The following SAMMSON variants were observed in gnomAD, a reference collection of about 807,000 sequenced individuals.
SAMMSON encodes the protein survival associated mitochondrial melanoma specific oncogenic non-coding RNA.
At chr3:70,338,495 A>G (rs1292232673) in intron 7 of SAMMSON, among the ~76,000 whole-genome samples, 1 of 152,146 alleles carries the variant, frequency 6.6e-6, no homozygotes. Context: ...TTGTATATAT[A>G]GAAAACCCCA....
chr3:70,339,629 T>C (rs554587609), intron 7 of SAMMSON, among the ~76,000 whole-genome samples: 3 of 152,312 alleles, frequency 2.0e-5, no homozygotes, highest in Non-Finnish European at 4.4e-5. Context: ...AAGACATTTA[T>C]GCAGCCAACA....
intron 8 of SAMMSON, among the ~76,000 whole-genome samples, chr3:70,357,933 G>A (rs1575632924): frequency 2.0e-5 from 3 of 151,960 alleles, no homozygotes. Context: ...TAAACAAAAT[G>A]GACAACTTCT....
intron 4 of SAMMSON, among the ~76,000 whole-genome samples, chr3:70,106,782 G>C (rs975018476): frequency 1.3e-5 from 2 of 152,148 alleles, no homozygotes; most frequent in African/African-American, 4.8e-5. Flanking sequence ...TCATCAACAG[G>C]TACACTTGTC....
chr3:70,090,779 TA>T (rs78510916), intron 4 of SAMMSON, among the ~76,000 whole-genome samples: 18,942 of 141,770 alleles, frequency 0.13, 1,498 homozygotes, highest in South Asian at 0.33. Context: ...AAATTAAACT[TA>T]AAAAAAAAAA....
At chr3:70,263,659 C>T (rs899164979) in intron 6 of SAMMSON, among the ~76,000 whole-genome samples, 1 of 152,178 alleles carries the variant, frequency 6.6e-6, no homozygotes, top group Non-Finnish European at 1.5e-5. Flanking sequence ...GGGAGCCCTA[C>T]GCAAATTTAT....
At chr3:70,168,148 T>C (rs1460656933) in intron 4 of SAMMSON, among the ~76,000 whole-genome samples, 1 of 151,990 alleles carries the variant, frequency 6.6e-6, no homozygotes, top group Non-Finnish European at 1.5e-5. Flanking sequence ...GAGTATCTTG[T>C]TTGGAGCATT....
chr3:70,267,161 G>C lies in SAMMSON; in HGVS notation n.674+17491G>C, dbSNP rs997937014. 3.9e-5 allele frequency among the ~76,000 whole-genome samples: 6 copies of C among 152,064 alleles called. No homozygotes were observed. In the East Asian group the frequency reaches 1.2e-3, roughly 29 times the overall value. On this transcript the variant is annotated intron_variant and non_coding_transcript_variant, in intron 6 of 9. Transcript: ENST00000642114. ...GCTTCTATTTTTATAAATTTTCTCTGATTGATTATGTAGGGATTTTATACT... is the reference window on the plus strand; with the variant it reads ...GCTTCTATTTTTATAAATTTTCTCTCATTGATTATGTAGGGATTTTATACT...
chr3:70,199,533 A>C (rs932406887), intron 4 of SAMMSON, among the ~76,000 whole-genome samples: 2 of 152,158 alleles, frequency 1.3e-5, no homozygotes, highest in African/African-American at 4.8e-5. Flanking sequence ...TTGCCCAAAA[A>C]CAACATGGTA....
chr3:70,164,122 T>C (rs1417361049), intron 4 of SAMMSON, among the ~76,000 whole-genome samples: 1 of 152,082 alleles, frequency 6.6e-6, no homozygotes, highest in Non-Finnish European at 1.5e-5. Context: ...TAGTTTTTAT[T>C]ATTACCAATT....
intron 2 of SAMMSON, among the ~76,000 whole-genome samples, chr3:70,403,492 A>G (rs1263735950): frequency 6.6e-6 from 1 of 152,240 alleles, no homozygotes; most frequent in African/African-American, 2.4e-5. Context: ...GGGTTATCTT[A>G]TACTGTAGAT....
At chr3:70,138,112 T>G (rs1399670396) in intron 4 of SAMMSON, among the ~76,000 whole-genome samples, 1 of 152,208 alleles carries the variant, frequency 6.6e-6, no homozygotes, top group East Asian at 1.9e-4. Flanking sequence ...GTTTTGGGAA[T>G]GAGATTCAAA....
intron 4 of SAMMSON, among the ~76,000 whole-genome samples, chr3:70,076,938 T>C (rs2067250166): frequency 6.6e-6 from 1 of 152,182 alleles, no homozygotes; most frequent in South Asian, 2.1e-4. Flanking sequence ...ACAGATATGT[T>C]GTTAAGAGGC....
At chr3:70,012,408 A>C (rs1268375521) in exon 2 of SAMMSON, 3 of 152,040 alleles carry the variant, frequency 2.0e-5, no homozygotes, top group Non-Finnish European at 4.4e-5. Flanking sequence ...GGAAGCCATG[A>C]GGGTCAGAGT....
chr3:70,210,351 C>T (rs1701331244), intron 4 of SAMMSON, among the ~76,000 whole-genome samples: 1 of 151,956 alleles, frequency 6.6e-6, no homozygotes, highest in African/African-American at 2.4e-5. Context: ...TTTTCTCATT[C>T]CTCAGTGGGA....
chr3:70,012,701 A>C (rs753360370), intron 2 of SAMMSON: 3 of 152,196 alleles, frequency 2.0e-5, no homozygotes, highest in Non-Finnish European at 4.4e-5. Context: ...TCTACTACCA[A>C]GAAGGGTCTT....
intron 4 of SAMMSON, among the ~76,000 whole-genome samples, chr3:70,117,810 A>G (rs2067417391): frequency 1.3e-5 from 2 of 152,226 alleles, no homozygotes; most frequent in South Asian, 4.1e-4. Context: ...AGCACTTATA[A>G]GGAAATCTAA....
intron 4 of SAMMSON, among the ~76,000 whole-genome samples, chr3:70,239,665 G>C (rs1257534311): frequency 2.0e-5 from 3 of 152,104 alleles, no homozygotes; most frequent in East Asian, 1.9e-4. Flanking sequence ...CAAACAAAGG[G>C]AATGAGGGCC....
At chr3:70,240,036 T>C (rs1398902679) in intron 4 of SAMMSON, among the ~76,000 whole-genome samples, 1 of 152,144 alleles carries the variant, frequency 6.6e-6, no homozygotes, top group Non-Finnish European at 1.5e-5. Flanking sequence ...AGGTTAATGA[T>C]AGTTTTGAGT....
At chr3:70,397,328 G>A (rs893641340) in intron 2 of SAMMSON, among the ~76,000 whole-genome samples, 3 of 151,704 alleles carry the variant, frequency 2.0e-5, no homozygotes, top group East Asian at 1.9e-4. Flanking sequence ...TTTTTGGGAC[G>A]GGGTCTCACT....
Sources: allele counts gnomAD v4.1 joint callset (sites outside exome capture counted in the v4.1 genomes callset), GRCh38; gene constraint gnomAD v4.1.1; transcripts MANE v1.5; gene names NCBI Gene and HGNC (gene_info 2026-07-23, HGNC 2026-07-21).